DLGAP5: variants seen among roughly 807,000 people sequenced by gnomAD.
DLGAP5 encodes disks large-associated protein 5.
DLGAP5 carries 90 observed loss-of-function variants against 99.6 expected under a neutral mutation model. That is an observed-to-expected ratio of 0.90 (90% CI 0.76 to 1.08). The LOEUF (loss-of-function observed/expected upper bound fraction) is 1.08, where lower values mean the gene tolerates loss of function less well. DLGAP5 is among the 50% of genes least tolerant of loss of function. The pLI is 0.00. For synonymous variants in DLGAP5, 311 were observed against 321.3 expected (o/e 0.97, Z 0.34); for missense variants, 1,036 against 983.5 (o/e 1.05, Z -0.71).
At chr14:55,160,878 AATAGAG>A (rs1882402663) in intron 13 of DLGAP5, among the ~76,000 whole-genome samples, 1 of 152,242 alleles carries the variant, frequency 6.6e-6, no homozygotes, top group African/African-American at 2.4e-5. Flanking sequence ...GAACAAAAAT[AATAGAG>A]TATAGAAAAC....
At chr14:55,177,479 T>G (rs557480315) in intron 7 of DLGAP5, 143 bp from the exon 8 acceptor site, 54 of 664,078 alleles carry the variant, frequency 8.1e-5, no homozygotes, top group African/African-American at 7.7e-4. Context: ...TACAATTAAG[T>G]GTATACATGG....
intron 2 of DLGAP5, among the ~76,000 whole-genome samples, chr14:55,188,589 C>T (rs1271618400): frequency 5.9e-5 from 9 of 151,836 alleles, no homozygotes; most frequent in Admixed American, 5.9e-4. Context: ...AAGGCTTTTG[C>T]CTTAAAGACA....
chr14:55,161,891 A>G (rs996556899), intron 13 of DLGAP5, among the ~76,000 whole-genome samples: 2 of 150,136 alleles, frequency 1.3e-5, no homozygotes, highest in African/African-American at 4.9e-5. Flanking sequence ...AAAAAAAAAA[A>G]AAAAAAAAAG....
intron 10 of DLGAP5, 54 bp from the exon 11 acceptor site, chr14:55,170,841 A>C (rs1882833790): frequency 8.0e-7 from 1 of 1,256,124 alleles, no homozygotes; most frequent in African/African-American, 1.5e-5. Context: ...ACTAGTAGCT[A>C]AGTATTAGCA....
At chr14:55,151,265 T>C (rs992616668) in intron 17 of DLGAP5, among the ~76,000 whole-genome samples, 1 of 151,834 alleles carries the variant, frequency 6.6e-6, no homozygotes, top group Non-Finnish European at 1.5e-5. Context: ...CACAACAATA[T>C]AGGTAGAACT....
At chr14:55,150,593 CAT>C (rs983025582) in intron 18 of DLGAP5, 3 of 337,476 alleles carry the variant, frequency 8.9e-6, no homozygotes, top group African/African-American at 6.5e-5. Context: ...TATAGAAAAA[CAT>C]ATCTTCAGGG....
chr14:55,156,275 G>T (rs146179554), intron 14 of DLGAP5, among the ~76,000 whole-genome samples: 65 of 152,228 alleles, frequency 4.3e-4, no homozygotes, highest in African/African-American at 1.5e-3. Flanking sequence ...GCACAGCAAA[G>T]CAACTGTCAT....
At chr14:55,169,845 GCTCATGC>G (rs1413519850) in intron 11 of DLGAP5, among the ~76,000 whole-genome samples, 2 of 151,264 alleles carry the variant, frequency 1.3e-5, no homozygotes, top group African/African-American at 2.4e-5. Flanking sequence ...CGGTGTGGTG[GCTCATGC>G]CTGCGGGCGC....
In DLGAP5 at chr14:55,163,026, G is replaced by C. The variant is rs745359950; in HGVS notation, c.1598C>G (p.Ser533Cys). 3 of 1,601,650 alleles carry C rather than the reference G, an allele frequency of 1.9e-6. No individual in the cohort carries two copies. The highest frequency in any genetic ancestry group is 1.1e-5 in the South Asian group (1 of 88,614). The part of the protein sequence containing the change: ...KFNNLIKLEE[S>C]GWQVNNNMNH... ...CATATTATTATTGACTTGCCACCCA[G>C]ATTCCTCAAGTTTGATCAGATTGTT... The change falls in exon 13 of 19, where the codon TCT becomes TGT. Residue 533 changes from serine (S) to cysteine (C), a missense_variant. Physicochemically the swap from Ser to Cys is moderately radical, Grantham distance 112. Coordinates refer to ENST00000247191, the MANE Select transcript of DLGAP5 (RefSeq NM_014750.5).
rs564760919 is a variant in DLGAP5 at position 55,189,214 on chromosome 14, G to A, written c.-1-34C>T. On this transcript the variant is annotated intron_variant, in intron 1 of 18. Coordinates refer to ENST00000247191, the MANE Select transcript of DLGAP5 (RefSeq NM_014750.5). ...GAAAAGGACAAAACCCAACTTACAT[G>A]AATTTTCATTATTTAAAAAATTAAG... The A allele has an allele frequency of 2.0e-5, 31 of 1,518,008 alleles. No homozygotes were observed. The Admixed American group carries it at 4.8e-4, about 23-fold the overall frequency. The allele number at this position is 1,518,008 out of a possible 1,614,324, so 94.0% of individuals were successfully genotyped here.
intron 17 of DLGAP5, among the ~76,000 whole-genome samples, chr14:55,151,389 C>A (rs528507936): frequency 6.6e-6 from 1 of 152,030 alleles, no homozygotes; most frequent in East Asian, 1.9e-4. Flanking sequence ...TCTGTCTCTA[C>A]TAAAAATAAA....
intron 1 of DLGAP5, chr14:55,191,194 A>G (rs956657315): frequency 5.3e-5 from 8 of 152,064 alleles, no homozygotes; most frequent in African/African-American, 1.9e-4. Context: ...GAGCTACGGG[A>G]ATTTAATGTC....
At chr14:55,161,408 A>T (rs1289913530) in intron 13 of DLGAP5, among the ~76,000 whole-genome samples, 1 of 115,924 alleles carries the variant, frequency 8.6e-6, no homozygotes, top group African/African-American at 3.6e-5. Flanking sequence ...TAAAAAAAAA[A>T]TTTTTTTTTT....
Position 55,177,078 on chromosome 14 carries a change from G to A in DLGAP5, c.1033C>T (p.Pro345Ser). 6.8e-7 allele frequency: 1 copy of A among 1,460,386 alleles called. No homozygotes were observed. The highest frequency in any genetic ancestry group is 1.6e-5 in the South Asian group (1 of 63,030). The allele number at this position is 1,460,386 out of a possible 1,614,324, so 90.5% of individuals were successfully genotyped here. A position where few individuals can be genotyped will look rare whatever the true frequency, so the allele number is the denominator to read the frequency against. Residue 345 changes from proline (P) to serine (S), a missense_variant, in exon 8 of 19, where the codon CCT (proline) becomes TCT (serine). Coordinates refer to ENST00000247191, the MANE Select transcript of DLGAP5 (RefSeq NM_014750.5). ...TATTCTTACACTTCTGTTTTTAAAG[G>A]AGTCCAGGTGTAACTGGGTGTCAAA... ...AFLTPSYTWT[P>S]LKTEVDESQA...
intron 8 of DLGAP5, 119 bp downstream of exon 8, chr14:55,176,943 A>C: frequency 7.2e-6 from 6 of 830,356 alleles, no homozygotes; most frequent in Non-Finnish European, 9.5e-6. Flanking sequence ...ACGCCACTGC[A>C]CTCCAGCCTG....
intron 6 of DLGAP5, 42 bp downstream of exon 6, chr14:55,180,614 C>A (rs1367171219): frequency 4.4e-6 from 7 of 1,608,720 alleles, no homozygotes; most frequent in Non-Finnish European, 6.0e-6. Flanking sequence ...CCTCAAGGAC[C>A]AAACATTCTA....
intron 12 of DLGAP5, among the ~76,000 whole-genome samples, chr14:55,167,819 C>T (rs561606959): frequency 5.9e-5 from 9 of 152,306 alleles, no homozygotes; most frequent in African/African-American, 2.2e-4. Context: ...GAGATCAATG[C>T]TACTCTAACC....
intron 9 of DLGAP5, 85 bp from the exon 10 acceptor site, chr14:55,175,557 C>T (rs1883032151): frequency 1.1e-6 from 1 of 872,396 alleles, no homozygotes; most frequent in East Asian, 2.8e-5. Flanking sequence ...TTTAAAAATC[C>T]TTTTCAATGT....
chr14:55,170,732 T>C lies in DLGAP5; in HGVS notation c.1357A>G (p.Arg453Gly). Residue 453 changes from arginine (R) to glycine (G), a missense_variant, in exon 11 of 19, where the codon AGG becomes GGG. Physicochemically the swap from Arg to Gly is moderately radical, Grantham distance 125. Coordinates refer to ENST00000247191, the MANE Select transcript of DLGAP5 (RefSeq NM_014750.5). The stretch of plus-strand genomic sequence containing the variant: ...TCTGGAATGTCCAATTCAAGTTTCC[T>C]GTCCCACTCGAAGCAATGTGAAGTT... ...KLTSHCFEWD[R>G]KLELDIPDDA... is the part of the protein sequence containing the mutation. The C allele has an allele frequency of 6.2e-7, 1 of 1,613,762 alleles. No individual in the cohort carries two copies. The highest frequency in any genetic ancestry group is 8.5e-7 in the Non-Finnish European group (1 of 1,179,774).
Sources: allele counts gnomAD v4.1 joint callset (sites outside exome capture counted in the v4.1 genomes callset), GRCh38; gene constraint gnomAD v4.1.1; transcripts MANE v1.5; gene names NCBI Gene and HGNC (gene_info 2026-07-23, HGNC 2026-07-21).